MCTP1: variants seen among roughly 807,000 people sequenced by gnomAD.
The protein encoded by MCTP1 is multiple C2 and transmembrane domain containing 1.
In MCTP1, 69 loss-of-function variants were observed where a neutral mutation model predicts 120.6. The observed-to-expected ratio is 0.57, with a 90% confidence interval of 0.47 to 0.70. The LOEUF (loss-of-function observed/expected upper bound fraction) is 0.70. MCTP1 is among the 30% of genes least tolerant of loss of function. The pLI is 0.00. For synonymous variants in MCTP1, 529 were observed against 493.1 expected, an observed-to-expected ratio of 1.07 and a Z score of -0.96; for missense variants, 1,203 against 1,248.8, an observed-to-expected ratio of 0.96 and a Z score of 0.55.
At chr5:95,198,329 C>T (rs763062337) in intron 1 of MCTP1, among the ~76,000 whole-genome samples, 1 of 152,030 alleles carries the variant, frequency 6.6e-6, no homozygotes, top group Non-Finnish European at 1.5e-5. Context: ...AATTTTTTGA[C>T]TTTAAAATGG....
At chr5:94,964,006 AAATTTC>A (rs1824998456) in intron 2 of MCTP1, among the ~76,000 whole-genome samples, 2 of 152,134 alleles carry the variant, frequency 1.3e-5, no homozygotes, top group African/African-American at 4.8e-5. Context: ...TATAAGGGTC[AAATTTC>A]ATTCTTCTGC....
In MCTP1 at chr5:95,233,893, G is replaced by T. The variant is rs1437157169; in HGVS notation, c.720+49963C>A. ...AGAAAAAAGGAAACAGCAAAGAGAA[G>T]ATGGGAAATTAATAACACAGAAAAC... On this transcript the variant is annotated intron_variant, in intron 1 of 22. Transcript: ENST00000515393. Among the ~76,000 whole-genome samples the T allele has an allele frequency of 2.0e-5, 3 of 151,876 alleles. No homozygotes were observed. The East Asian group carries it at 5.8e-4, about 29-fold the overall frequency.
intron 2 of MCTP1, among the ~76,000 whole-genome samples, chr5:94,985,796 G>A (rs1335517405): frequency 3.9e-5 from 6 of 152,168 alleles, no homozygotes; most frequent in Admixed American, 3.9e-4. Context: ...CTCACAGTGT[G>A]TGTCTATTAC....
chr5:94,760,481 A>G (rs1419661498), intron 19 of MCTP1, among the ~76,000 whole-genome samples: 1 of 152,216 alleles, frequency 6.6e-6, no homozygotes, highest in African/African-American at 2.4e-5. Context: ...AATCACAAAG[A>G]GAATACAGAT....
chr5:95,022,964 T>A (rs1212085967), intron 1 of MCTP1, among the ~76,000 whole-genome samples: 1 of 152,230 alleles, frequency 6.6e-6, no homozygotes, highest in African/African-American at 2.4e-5. Flanking sequence ...TCTGAAAATA[T>A]GTGCAGGACT....
intron 1 of MCTP1, among the ~76,000 whole-genome samples, chr5:95,143,096 G>GTA (rs1760076884): frequency 6.6e-6 from 1 of 152,120 alleles, no homozygotes; most frequent in Non-Finnish European, 1.5e-5. Flanking sequence ...ACCAAAGACA[G>GTA]TTACCATGTA....
intron 1 of MCTP1, among the ~76,000 whole-genome samples, chr5:95,174,670 G>T (rs1264403249): frequency 6.6e-6 from 1 of 152,132 alleles, no homozygotes; most frequent in Non-Finnish European, 1.5e-5. Context: ...ATGTAAAATG[G>T]GGACTCCCCT....
intron 17 of MCTP1, among the ~76,000 whole-genome samples, chr5:94,853,719 T>C (rs1201598953): frequency 1.3e-5 from 2 of 151,978 alleles, no homozygotes; most frequent in Non-Finnish European, 2.9e-5. Flanking sequence ...TCTACTGCTC[T>C]ACTTGCTCTC....
chr5:94,954,183 C>CATATATATACAT (rs1821905682), intron 2 of MCTP1, among the ~76,000 whole-genome samples: 1 of 57,816 alleles, frequency 1.7e-5, no homozygotes, highest in Non-Finnish European at 3.2e-5. Context: ...TATATATATG[C>CATATATATACAT]ATATATATAT....
At chr5:95,204,931 A>G (rs1701381105) in intron 1 of MCTP1, among the ~76,000 whole-genome samples, 1 of 152,152 alleles carries the variant, frequency 6.6e-6, no homozygotes, top group South Asian at 2.1e-4. Flanking sequence ...AATGCTCCCC[A>G]GATTTAACAC....
intron 19 of MCTP1, among the ~76,000 whole-genome samples, chr5:94,755,776 ACT>A (rs1216307449): frequency 2.0e-5 from 3 of 151,878 alleles, no homozygotes; most frequent in African/African-American, 4.8e-5. Context: ...TTCCTCTCAT[ACT>A]CAACTTCCTC....
chr5:95,087,055 G>A (rs955881529), intron 1 of MCTP1, among the ~76,000 whole-genome samples: 1 of 152,156 alleles, frequency 6.6e-6, no homozygotes, highest in African/African-American at 2.4e-5. Context: ...CAGCCAGGAG[G>A]ACGAAAGGGC....
intron 2 of MCTP1, among the ~76,000 whole-genome samples, chr5:94,954,459 T>C (rs1295462332): frequency 6.6e-6 from 1 of 151,988 alleles, no homozygotes; most frequent in Non-Finnish European, 1.5e-5. Context: ...TGGTACAATG[T>C]ATACGACTTG....
At chr5:95,038,018 G>T in intron 1 of MCTP1, 1 of 409,510 alleles carries the variant, frequency 2.4e-6, no homozygotes, top group Non-Finnish European at 3.3e-6. Context: ...ATGGGGCATA[G>T]CATGTCAATG....
At chr5:94,786,761 ATTT>A (rs141322426) in intron 18 of MCTP1, among the ~76,000 whole-genome samples, 1 of 151,602 alleles carries the variant, frequency 6.6e-6, no homozygotes, top group South Asian at 2.1e-4. Context: ...ATTTATGTTG[ATTT>A]TTTTTTATTT....
At chr5:94,919,346 TTTTA>T (rs1345838207) in intron 7 of MCTP1, among the ~76,000 whole-genome samples, 1 of 152,164 alleles carries the variant, frequency 6.6e-6, no homozygotes, top group Admixed American at 6.5e-5. Context: ...AAATGAGATA[TTTTA>T]TTTTTCTCGT....
intron 2 of MCTP1, among the ~76,000 whole-genome samples, chr5:94,968,047 C>A (rs999968453): frequency 8.5e-5 from 13 of 152,052 alleles, no homozygotes; most frequent in African/African-American, 3.1e-4. Context: ...ATTTCAAGAC[C>A]CTCAGCTTGT....
At chr5:94,818,528 C>T (rs1000468131) in intron 17 of MCTP1, among the ~76,000 whole-genome samples, 1 of 152,166 alleles carries the variant, frequency 6.6e-6, no homozygotes, top group African/African-American at 2.4e-5. Flanking sequence ...ATGGAGTTTA[C>T]ATACTGCGCT....
chr5:94,772,195 C>T (rs745470917), intron 19 of MCTP1, among the ~76,000 whole-genome samples: 10 of 152,228 alleles, frequency 6.6e-5, no homozygotes, highest in Non-Finnish European at 1.2e-4. Context: ...GATATAAGGG[C>T]TTGTACTTCT....
Sources: allele counts gnomAD v4.1 joint callset (sites outside exome capture counted in the v4.1 genomes callset), GRCh38; gene constraint gnomAD v4.1.1; transcripts MANE v1.5; gene names NCBI Gene and HGNC (gene_info 2026-07-23, HGNC 2026-07-21).